Variants in GNAI1 observed in about 807,000 individuals in gnomAD.
GNAI1 encodes the protein guanine nucleotide-binding protein G(i) subunit alpha-1.
A neutral mutation model predicts 38.9 loss-of-function variants in GNAI1; 11 were observed. The observed-to-expected ratio is 0.28, with a 90% CI of 0.18 to 0.47. GNAI1 has a LOEUF of 0.47. Among genes scored for constraint, GNAI1 ranks in the 20% least tolerant of loss-of-function variants. The pLI is 0.99. For missense variants in GNAI1, 317 were observed against 436.9 expected (o/e 0.73, Z 2.45); for synonymous variants, 166 against 145.1 (o/e 1.14, Z -1.04).
chr7:80,195,439 GA>G (rs891388004), intron 3 of GNAI1, among the ~76,000 whole-genome samples: 6 of 149,988 alleles, frequency 4.0e-5, no homozygotes, highest in Admixed American at 6.6e-5. Flanking sequence ...TCTGCTTTTA[GA>G]AAAAAAAATG....
rs570318410 is a variant in GNAI1 at position 80,200,118 on chromosome 7, C to A, written c.461+736C>A. On this transcript the variant is annotated intron_variant, in intron 4 of 7. Coordinates refer to ENST00000649796, the MANE Select transcript of GNAI1 (RefSeq NM_002069.6). ...ATCACTTGAGCCCAGGTGTTTGAGA[C>A]CCATCTGGGTAACTTAACGAGACCT... 4.6e-5 allele frequency among the ~76,000 whole-genome samples: 7 copies of A among 151,532 alleles called. 1 individual carries two copies. The South Asian group carries it at 1.5e-3, about 32-fold the overall frequency.
chr7:80,163,574 CATTAA>C (rs1361581926), intron 1 of GNAI1, among the ~76,000 whole-genome samples: 5 of 152,184 alleles, frequency 3.3e-5, no homozygotes, highest in South Asian at 2.1e-4. Flanking sequence ...CTGTGTTTTA[CATTAA>C]ATTAAACATA....
Position 80,218,751 on chromosome 7 carries a change from C to T in GNAI1, c.*1258C>T, listed in dbSNP as rs1382880938. ...CTATTATTTCTGAGAATGAAATGGA[C>T]GATTACACTTAGAAAATGAGTAATA... On this transcript the variant is annotated 3_prime_UTR_variant, in exon 8 of 8. Coordinates refer to ENST00000649796, the MANE Select transcript of GNAI1 (RefSeq NM_002069.6). The T allele has an allele frequency of 2.0e-5, 3 of 151,960 alleles. No homozygotes were observed. The highest frequency in any genetic ancestry group is 6.6e-5 in the Admixed American group (1 of 15,254). 9.4% of individuals were successfully genotyped at this position (151,960 alleles called of 1,614,324 possible).
chr7:80,183,232 A>C (rs765205638), intron 1 of GNAI1, among the ~76,000 whole-genome samples: 35 of 152,194 alleles, frequency 2.3e-4, no homozygotes, highest in Non-Finnish European at 4.4e-4. Context: ...AATGTTTTTC[A>C]TTTCAACAGG....
At chr7:80,177,652 A>AT (rs1162946651) in intron 1 of GNAI1, among the ~76,000 whole-genome samples, 1 of 151,850 alleles carries the variant, frequency 6.6e-6, no homozygotes, top group Non-Finnish European at 1.5e-5. Context: ...TTTTATTCTT[A>AT]TTTTTTGTAG....
chr7:80,194,452 T>G (rs1191236592), intron 3 of GNAI1, among the ~76,000 whole-genome samples: 2 of 152,284 alleles, frequency 1.3e-5, no homozygotes, highest in Non-Finnish European at 2.9e-5. Context: ...TATTGTATTT[T>G]AAAAAATGTT....
intron 4 of GNAI1, among the ~76,000 whole-genome samples, chr7:80,202,618 C>T (rs1788708250): frequency 1.3e-5 from 2 of 152,162 alleles, no homozygotes; most frequent in Admixed American, 1.3e-4. Flanking sequence ...AAATACAATA[C>T]AGGTAACTCA....
chr7:80,187,401 A>G (rs931896933), intron 1 of GNAI1: 4 of 152,232 alleles, frequency 2.6e-5, no homozygotes, highest in African/African-American at 7.2e-5. Context: ...TCAAATACAA[A>G]CATGTGCAAA....
At position 80,135,052 on chromosome 7, in the gene GNAI1, C is replaced by T; in HGVS notation, c.-109C>T. The stretch of plus-strand genomic sequence containing the variant: ...GGAAGTGGTGGGGGCGGCGTGGCCC[C>T]CGTCGGGAGGCGTTCGAACGCCCGC... On this transcript the variant is annotated 5_prime_UTR_variant, in exon 1 of 8. Coordinates refer to ENST00000649796, the MANE Select transcript of GNAI1 (RefSeq NM_002069.6). The T allele has an allele frequency of 3.4e-6, 2 of 592,154 alleles. No homozygotes were observed. The highest frequency in any genetic ancestry group is 5.3e-6 in the Non-Finnish European group (2 of 380,526). The allele number at this position is 592,154 out of a possible 1,614,324, so 36.7% of individuals were successfully genotyped here.
At chr7:80,158,394 C>G (rs1241038729) in intron 1 of GNAI1, among the ~76,000 whole-genome samples, 4 of 152,102 alleles carry the variant, frequency 2.6e-5, no homozygotes, top group Non-Finnish European at 5.9e-5. Context: ...TGGCTGAGTC[C>G]CTACCCAAAT....
intron 1 of GNAI1, among the ~76,000 whole-genome samples, chr7:80,148,799 A>T (rs1787673685): frequency 6.6e-6 from 1 of 152,130 alleles, no homozygotes; most frequent in African/African-American, 2.4e-5. Context: ...ACTAAATATT[A>T]TGTGGATGTT....
chr7:80,185,803 A>C (rs62462670), intron 1 of GNAI1, among the ~76,000 whole-genome samples: 18,347 of 152,128 alleles, frequency 0.12, 1,191 homozygotes, highest in Middle Eastern at 0.15. Flanking sequence ...TATGGAGAAA[A>C]TACCAGTGTT....
intron 4 of GNAI1, among the ~76,000 whole-genome samples, chr7:80,202,199 C>T (rs1027253640): frequency 1.3e-5 from 2 of 152,076 alleles, no homozygotes; most frequent in Non-Finnish European, 2.9e-5. Context: ...AAGCGATTCT[C>T]CTGCCTCAGC....
intron 1 of GNAI1, among the ~76,000 whole-genome samples, chr7:80,177,499 T>C (rs1212576287): frequency 6.6e-6 from 1 of 152,218 alleles, no homozygotes; most frequent in Non-Finnish European, 1.5e-5. Context: ...TTGCTGTTTT[T>C]AGAGACAAGA....
At chr7:80,153,524 GAC>G (rs1360586771) in intron 1 of GNAI1, among the ~76,000 whole-genome samples, 2 of 152,170 alleles carry the variant, frequency 1.3e-5, no homozygotes, top group Non-Finnish European at 2.9e-5. Context: ...TGGTTAATAA[GAC>G]ACAGGTGGCC....
chr7:80,200,659 G>C (rs578044500), intron 4 of GNAI1, among the ~76,000 whole-genome samples: 1 of 152,202 alleles, frequency 6.6e-6, no homozygotes, highest in African/African-American at 2.4e-5. Flanking sequence ...CATCAGACTA[G>C]GTACTATATG....
intron 3 of GNAI1, among the ~76,000 whole-genome samples, chr7:80,195,362 T>A (rs1449595219): frequency 7.9e-5 from 12 of 151,950 alleles, no homozygotes; most frequent in Admixed American, 7.9e-4. Flanking sequence ...TTAAGTATTC[T>A]TATGGGGAAA....
chr7:80,152,510 A>C (rs532991601), intron 1 of GNAI1, among the ~76,000 whole-genome samples: 8 of 152,052 alleles, frequency 5.3e-5, no homozygotes, highest in African/African-American at 1.9e-4. Flanking sequence ...AAACGGGTTA[A>C]AGAAACCAAC....
At chr7:80,216,454 GAC>G (rs1788970103) in intron 7 of GNAI1, among the ~76,000 whole-genome samples, 1 of 152,146 alleles carries the variant, frequency 6.6e-6, no homozygotes. Flanking sequence ...ATGTTCCACA[GAC>G]ACTATTGGTG....
Sources: allele counts gnomAD v4.1 joint callset (sites outside exome capture counted in the v4.1 genomes callset), GRCh38; gene constraint gnomAD v4.1.1; transcripts MANE v1.5; gene names NCBI Gene and HGNC (gene_info 2026-07-23, HGNC 2026-07-21).